Variants in P3H2 observed in about 807,000 individuals in gnomAD.
P3H2 encodes the protein leprecan-like 1.
In P3H2, 80 loss-of-function variants were observed where a neutral mutation model predicts 87.0. The ratio of observed to expected loss-of-function variants is 0.92; its 90% confidence interval spans 0.77 to 1.11. The LOEUF (loss-of-function observed/expected upper bound fraction) is 1.11, where lower values mean the gene tolerates loss of function less well. Among genes scored for constraint, P3H2 ranks in the 50% least tolerant of loss-of-function variants. P3H2 has a pLI of 0.00. For synonymous variants in P3H2, 367 were observed against 359.3 expected (o/e 1.02, Z -0.24); for missense variants, 1,001 against 923.9 (o/e 1.08, Z -1.08).
intron 1 of P3H2, among the ~76,000 whole-genome samples, chr3:190,104,061 G>T (rs896914447): frequency 6.6e-6 from 1 of 152,106 alleles, no homozygotes; most frequent in Admixed American, 6.6e-5. Flanking sequence ...CAAAGTGCTG[G>T]AATTGCAGGA....
Position 190,014,976 on chromosome 3 carries a change from T to A in P3H2, c.481-19534A>T, listed in dbSNP as rs182517299. Among the ~76,000 whole-genome samples the A allele has an allele frequency of 2.7e-4, 41 of 152,314 alleles. 2 individuals carry two copies. In the East Asian group the frequency reaches 5.2e-3, roughly 19 times the overall value. On this transcript the variant is annotated intron_variant, in intron 1 of 14. Transcript: ENST00000319332. ...CAATATCTCTGAATCTGCTGCTTCA[T>A]CTGTAAAATGAAGGGTTGGGCCAGA...
At chr3:190,069,650 CAACA>C (rs1726629602) in intron 1 of P3H2, among the ~76,000 whole-genome samples, 1 of 152,072 alleles carries the variant, frequency 6.6e-6, no homozygotes, top group Non-Finnish European at 1.5e-5. Flanking sequence ...GTCAAAGAAC[CAACA>C]AACAAATAGA....
chr3:190,085,332 T>C (rs1247417504), intron 1 of P3H2, among the ~76,000 whole-genome samples: 4 of 152,224 alleles, frequency 2.6e-5, no homozygotes, highest in Admixed American at 2.6e-4. Context: ...TTATGACATT[T>C]CTGTTTATTG....
chr3:189,967,476 G>T (rs1723037822), intron 13 of P3H2, among the ~76,000 whole-genome samples: 1 of 147,484 alleles, frequency 6.8e-6, no homozygotes. Flanking sequence ...GAGAAGCAAA[G>T]AAATCTTTTC....
intron 1 of P3H2, among the ~76,000 whole-genome samples, chr3:190,084,200 C>G (rs1383585307): frequency 6.6e-6 from 1 of 152,108 alleles, no homozygotes; most frequent in Non-Finnish European, 1.5e-5. Flanking sequence ...CAAGAATTTC[C>G]CGAATAATTT....
chr3:189,965,552 C>G (rs1033981528), intron 13 of P3H2, among the ~76,000 whole-genome samples: 6 of 152,222 alleles, frequency 3.9e-5, no homozygotes. Context: ...GGCAACTGTT[C>G]TGATGTAAAT....
chr3:190,051,225 G>T (rs1725970965), intron 1 of P3H2, among the ~76,000 whole-genome samples: 1 of 152,170 alleles, frequency 6.6e-6, no homozygotes, highest in African/African-American at 2.4e-5. Flanking sequence ...GGTTACTCTG[G>T]ATGAGAAAAG....
At chr3:190,075,705 AAG>A (rs1726849764) in intron 1 of P3H2, among the ~76,000 whole-genome samples, 1 of 152,080 alleles carries the variant, frequency 6.6e-6, no homozygotes, top group Non-Finnish European at 1.5e-5. Context: ...AACATCAAGA[AAG>A]AGAGAAGTGG....
intron 1 of P3H2, among the ~76,000 whole-genome samples, chr3:190,101,771 A>G (rs1023563331): frequency 3.9e-5 from 6 of 152,194 alleles, no homozygotes; most frequent in African/African-American, 1.4e-4. Flanking sequence ...CTAAACAACA[A>G]ATTTTCATTG....
intron 1 of P3H2, among the ~76,000 whole-genome samples, chr3:190,079,078 C>T (rs1726960831): frequency 6.6e-6 from 1 of 152,136 alleles, no homozygotes; most frequent in Non-Finnish European, 1.5e-5. Flanking sequence ...TGGTGGCTCA[C>T]ACCTGTAATT....
chr3:189,978,274 A>G (rs192389680), intron 8 of P3H2, among the ~76,000 whole-genome samples: 2 of 152,242 alleles, frequency 1.3e-5, no homozygotes, highest in African/African-American at 4.8e-5. Context: ...TTTTCAAAAT[A>G]TGATTTTGAA....
intron 1 of P3H2, among the ~76,000 whole-genome samples, chr3:190,004,413 C>T (rs925479272): frequency 2.6e-5 from 4 of 152,160 alleles, no homozygotes; most frequent in Admixed American, 1.3e-4. Context: ...GACGGAGTCT[C>T]GCTCTGTCGC....
In P3H2 at chr3:190,007,959, G is replaced by GACACAC. The variant is rs371622835; in HGVS notation, c.481-12523_481-12518dup. 6.2e-3 allele frequency among the ~76,000 whole-genome samples: 622 copies of GACACAC among 100,594 alleles called. 30 individuals carry two copies. The highest frequency in any genetic ancestry group is 0.022 in the African/African-American group (585 of 26,204). 66.0% of individuals were successfully genotyped at this position (100,594 alleles called of 152,430 possible). On this transcript the variant is annotated intron_variant, in intron 1 of 14. Coordinates refer to ENST00000319332, the MANE Select transcript of P3H2 (RefSeq NM_018192.4). Reference sequence around the variant, plus strand: ...TCAGCTGCCTGAGACTCTATTTGTTGACACACATATATATATATATATATA... The same window carrying GACACAC: ...TCAGCTGCCTGAGACTCTATTTGTTGACACACACACACATATATATATATATATATA...
chr3:190,004,684 G>A (rs765212908), intron 1 of P3H2, among the ~76,000 whole-genome samples: 3 of 152,240 alleles, frequency 2.0e-5, no homozygotes, highest in East Asian at 1.9e-4. Flanking sequence ...GCCTGGCCAC[G>A]AACAATAATT....
At chr3:190,017,961 T>C (rs9855467) in intron 1 of P3H2, among the ~76,000 whole-genome samples, 43,629 of 152,106 alleles carry the variant, frequency 0.29, 6,754 homozygotes, top group East Asian at 0.44. Flanking sequence ...ACAACAGATC[T>C]GAGCACGTCA....
At chr3:190,087,499 A>C (rs888775688) in intron 1 of P3H2, among the ~76,000 whole-genome samples, 5 of 146,680 alleles carry the variant, frequency 3.4e-5, no homozygotes, top group Non-Finnish European at 6.0e-5. Flanking sequence ...AGCCGAGATC[A>C]CACCACTGCA....
intron 14 of P3H2, chr3:189,963,515 GCTTAC>G: frequency 5.0e-6 from 1 of 198,512 alleles, no homozygotes; most frequent in Non-Finnish European, 1.1e-5. Flanking sequence ...TGCGATCTCG[GCTTAC>G]TGCAATTTAC....
chr3:190,093,986 T>TA (rs1328428161), intron 1 of P3H2, among the ~76,000 whole-genome samples: 1 of 140,542 alleles, frequency 7.1e-6, no homozygotes, highest in East Asian at 1.9e-4. Context: ...CTCCCAAGAA[T>TA]AAAAAAGTGG....
intron 1 of P3H2, chr3:190,116,606 G>C (rs188192147): frequency 3.3e-5 from 5 of 152,416 alleles, no homozygotes; most frequent in Admixed American, 1.3e-4. Flanking sequence ...GCAGAGTTGG[G>C]GAAGATAGGA....
Sources: gnomAD v4.1 joint callset for allele counts (sites outside exome capture counted in the v4.1 genomes callset) on GRCh38, gnomAD v4.1.1 for gene constraint, MANE v1.5 for transcripts, NCBI Gene and HGNC (gene_info 2026-07-23, HGNC 2026-07-21) for gene names.